IDE: variants seen among roughly 807,000 people sequenced by gnomAD.
IDE encodes the protein insulin degrading enzyme, also known as insulin-degrading enzyme.
Under a neutral mutation model 133.2 loss-of-function variants are expected in IDE, and 58 were observed. The observed-to-expected ratio is 0.44, with a 90% CI of 0.35 to 0.54. IDE has a LOEUF of 0.54. Ranked by LOEUF, IDE falls within the 20% of genes least tolerant of loss-of-function variation. The pLI is 0.00. For synonymous variants in IDE, 396 were observed against 421.3 expected (o/e 0.94, Z 0.73); for missense variants, 981 against 1,234.0 (o/e 0.79, Z 3.07).
Position 92,515,920 on chromosome 10 carries a change from A to G in IDE, c.662-878T>C, listed in dbSNP as rs1848896454. 2.7e-5 allele frequency among the ~76,000 whole-genome samples: 4 copies of G among 149,214 alleles called. No individual in the cohort carries two copies. In the South Asian group the frequency reaches 8.5e-4, roughly 32 times the overall value. ...GTGCATGGCTCACGCCTATAATCCA[A>G]GCACTTTGGGAGGCCGAGGCAGGCA... is the stretch of plus-strand genomic sequence containing the variant. On this transcript the variant is annotated intron_variant, in intron 4 of 24. Coordinates refer to ENST00000265986, the MANE Select transcript of IDE (RefSeq NM_004969.4).
chr10:92,541,457 A>T, intron 1 of IDE: 1 of 255,536 alleles, frequency 3.9e-6, no homozygotes, highest in Admixed American at 4.5e-5. Flanking sequence ...TTTATGGCAA[A>T]TGTTCTCCAA....
chr10:92,476,910 G>C (rs374848886), intron 15 of IDE, among the ~76,000 whole-genome samples: 1 of 152,236 alleles, frequency 6.6e-6, no homozygotes, highest in East Asian at 1.9e-4. Flanking sequence ...GAGATGGAAG[G>C]CTTGCTTTAG....
intron 1 of IDE, among the ~76,000 whole-genome samples, chr10:92,556,935 A>C (rs1441955215): frequency 6.6e-6 from 1 of 151,934 alleles, no homozygotes; most frequent in Non-Finnish European, 1.5e-5. Flanking sequence ...AAAAAAAAAA[A>C]AAAAACTTAT....
chr10:92,527,080 GTGTT>G (rs1475098474), intron 4 of IDE, among the ~76,000 whole-genome samples: 2 of 151,922 alleles, frequency 1.3e-5, no homozygotes, highest in Non-Finnish European at 2.9e-5. Flanking sequence ...GTTTTTCTGT[GTGTT>G]TAAGAACATT....
intron 13 of IDE, among the ~76,000 whole-genome samples, chr10:92,486,138 C>T (rs894157489): frequency 6.6e-6 from 1 of 152,082 alleles, no homozygotes; most frequent in Non-Finnish European, 1.5e-5. Flanking sequence ...CCCCTGAGGT[C>T]AAGAGTTCGA....
Position 92,470,353 on chromosome 10 carries a change from G to C in IDE, c.2117-8C>G. 6.4e-7 allele frequency: 1 copy of C among 1,573,280 alleles called. No homozygotes were observed. The highest frequency in any genetic ancestry group is 8.7e-7 in the Non-Finnish European group (1 of 1,154,666). Reference sequence around the variant, plus strand: ...GGCGAGGAAGGGTTACATCTGCAAAGGTGTAAGAAGACATAGTGAGCGCTA... The same window carrying C: ...GGCGAGGAAGGGTTACATCTGCAAACGTGTAAGAAGACATAGTGAGCGCTA... On this transcript the variant is annotated splice_polypyrimidine_tract_variant and splice_region_variant and intron_variant, in intron 17 of 24. Transcript: ENST00000265986.
intron 17 of IDE, among the ~76,000 whole-genome samples, chr10:92,472,821 T>C (rs1318390846): frequency 6.6e-6 from 1 of 151,620 alleles, no homozygotes; most frequent in East Asian, 1.9e-4. Flanking sequence ...GTATTTTTTG[T>C]AGACGTGGGT....
intron 1 of IDE, among the ~76,000 whole-genome samples, chr10:92,556,406 T>C (rs2135784481): frequency 6.6e-6 from 1 of 152,080 alleles, no homozygotes; most frequent in East Asian, 1.9e-4. Flanking sequence ...GTGGATGACC[T>C]GAGGTCAGGA....
chr10:92,506,368 T>C, intron 10 of IDE, 74 bp downstream of exon 10: 1 of 677,766 alleles, frequency 1.5e-6, no homozygotes, highest in Non-Finnish European at 2.5e-6. Flanking sequence ...CATTCACTTA[T>C]TACTGAAAAT....
At chr10:92,489,924 A>C (rs1267402795) in intron 12 of IDE, among the ~76,000 whole-genome samples, 3 of 152,274 alleles carry the variant, frequency 2.0e-5, no homozygotes, top group Admixed American at 6.5e-5. Flanking sequence ...AAAGAGAAAG[A>C]AAGAAAAAGT....
chr10:92,570,197 A>G (rs1293192343), intron 1 of IDE, among the ~76,000 whole-genome samples: 1 of 152,220 alleles, frequency 6.6e-6, no homozygotes, highest in Non-Finnish European at 1.5e-5. Context: ...CCCACTTTTT[A>G]AAAAAGTAAT....
chr10:92,553,651 C>T (rs183433557), intron 1 of IDE, among the ~76,000 whole-genome samples: 61 of 152,074 alleles, frequency 4.0e-4, no homozygotes, highest in African/African-American at 1.5e-3. Flanking sequence ...AAAAAGGAGA[C>T]ATTACAACTG....
intron 1 of IDE, among the ~76,000 whole-genome samples, chr10:92,567,922 G>T (rs1373027243): frequency 6.6e-6 from 1 of 152,182 alleles, no homozygotes; most frequent in Non-Finnish European, 1.5e-5. Context: ...AGTGAGTTTT[G>T]ATCGTGCCAC....
chr10:92,557,803 T>C (rs1238181862), intron 1 of IDE, among the ~76,000 whole-genome samples: 4 of 150,466 alleles, frequency 2.7e-5, no homozygotes, highest in Non-Finnish European at 4.4e-5. Context: ...GGCATAAGAA[T>C]TGTTTAAACC....
At position 92,467,635 on chromosome 10, in the gene IDE, T is replaced by C. The variant is rs974412222; in HGVS notation, c.2320+1244A>G. Reference sequence around the variant, plus strand: ...GAAGTAAGAAGGATGAATTGCACTTTGAAATATTGTTTCTACACTGGCCTC... The same window carrying C: ...GAAGTAAGAAGGATGAATTGCACTTCGAAATATTGTTTCTACACTGGCCTC... On this transcript the variant is annotated intron_variant, in intron 19 of 24. Coordinates refer to ENST00000265986, the MANE Select transcript of IDE (RefSeq NM_004969.4). Among the ~76,000 whole-genome samples the C allele has an allele frequency of 1.5e-4, 23 of 152,328 alleles. No homozygotes were observed. The South Asian group carries it at 1.7e-3, about 11-fold the overall frequency.
chr10:92,527,932 T>C (rs1481557031), intron 4 of IDE, among the ~76,000 whole-genome samples: 2 of 152,104 alleles, frequency 1.3e-5, no homozygotes, highest in Non-Finnish European at 2.9e-5. Context: ...AGGGGAATCG[T>C]TTGAACCTGG....
intron 13 of IDE, among the ~76,000 whole-genome samples, chr10:92,485,125 C>CTTTTTTTTTTTTTTTTTTTTTTTTT (rs34615998): frequency 9.9e-6 from 1 of 100,860 alleles, no homozygotes; most frequent in Non-Finnish European, 1.9e-5. Flanking sequence ...TTCTTTCTTT[C>CTTTTTTTTTTTTTTTTTTTTTTTTT]TTTTTTTTTT....
At chr10:92,462,902 T>A (rs1288459579) in intron 21 of IDE, among the ~76,000 whole-genome samples, 1 of 151,772 alleles carries the variant, frequency 6.6e-6, no homozygotes, top group Non-Finnish European at 1.5e-5. Context: ...AACTGCTAGA[T>A]AAATTATAAG....
rs1847771162 is a variant in IDE, at chr10:92,497,454, AC to A, written c.1431-6860del. 2.6e-5 allele frequency among the ~76,000 whole-genome samples: 4 copies of A among 152,154 alleles called. No individual in the cohort carries two copies. The South Asian group carries it at 8.3e-4, about 31-fold the overall frequency. ...GAACAGATACACAGTACCATACTAC[AC>A]CATTTAATATAAGGGACTTGAGCAC... On this transcript the variant is annotated intron_variant, in intron 11 of 24. Transcript: ENST00000265986.
Sources: allele counts gnomAD v4.1 joint callset (sites outside exome capture counted in the v4.1 genomes callset), GRCh38; gene constraint gnomAD v4.1.1; transcripts MANE v1.5; gene names NCBI Gene and HGNC (gene_info 2026-07-23, HGNC 2026-07-21).